NLRP4: variants seen among roughly 807,000 people sequenced by gnomAD.
NLRP4 encodes NLR family pyrin domain containing 4.
Under a neutral mutation model 84.7 loss-of-function variants are expected in NLRP4, and 44 were observed. The ratio of observed to expected loss-of-function variants is 0.52; its 90% CI spans 0.41 to 0.67. The LOEUF is 0.67. Among genes scored for constraint, NLRP4 ranks in the 30% least tolerant of loss-of-function variants. NLRP4 has a pLI of 0.00. For missense variants in NLRP4, 1,260 were observed against 1,219.4 expected, an observed-to-expected ratio of 1.03 and a Z score of -0.50; for synonymous variants, 544 against 476.4, an observed-to-expected ratio of 1.14 and a Z score of -1.85.
At chr19:55,840,701 C>A (rs549818591) in intron 1 of NLRP4, among the ~76,000 whole-genome samples, 21 of 152,136 alleles carry the variant, frequency 1.4e-4, no homozygotes, top group African/African-American at 5.1e-4. Context: ...CCCGGCTGAT[C>A]ATTCGTATAT....
At chr19:55,838,189 C>G (rs35519423) in intron 1 of NLRP4, among the ~76,000 whole-genome samples, 1 of 151,150 alleles carries the variant, frequency 6.6e-6, no homozygotes, top group African/African-American at 2.4e-5. Flanking sequence ...GTAATCCCAG[C>G]TACTCAGGAG....
intron 5 of NLRP4, 29 bp from the exon 6 acceptor site, chr19:55,867,680 C>G: frequency 1.3e-6 from 2 of 1,599,874 alleles, no homozygotes; most frequent in Non-Finnish European, 1.7e-6. Context: ...TAGAAACCAA[C>G]AGAATGTGAC....
rs1406331917 is a variant in NLRP4 at position 55,858,739 on chromosome 19, T to C, written c.1346T>C (p.Val449Ala). The C allele has an allele frequency of 6.2e-7, 1 of 1,614,174 alleles. No homozygotes were observed. The highest frequency in any genetic ancestry group is 2.2e-5 in the East Asian group (1 of 44,874). Residue 449 changes from valine to alanine, a missense_variant, in exon 3 of 10, where the codon GTG (valine) becomes GCG (alanine). By Grantham distance (64) the Val-to-Ala change is moderately conservative. Around this residue, in one of 3 missense-constraint regions of NLRP4, gnomAD observed 712 missense variants for 669.2 expected, o/e 1.06. Coordinates refer to ENST00000301295, the MANE Select transcript of NLRP4 (RefSeq NM_134444.5). The surrounding 1 kb of genome is among the most constrained non-coding windows in gnomAD (Gnocchi z 4.2). ...LKYGERESSY[V>A]FLHVCIQEFC... ...TACGGGGAGCGTGAGAGCTCCTACG[T>C]GTTCCTCCACGTGTGTATCCAGGAG...
chr19:55,858,564 C>T lies in NLRP4; in HGVS notation c.1171C>T (p.Gln391Ter), dbSNP rs1770811939. 6.2e-7 allele frequency: 1 copy of T among 1,614,066 alleles called. No homozygotes were observed. Among genetic ancestry groups the T allele is most frequent in the Non-Finnish European group, 8.5e-7 (1 of 1,180,034 alleles). The change falls in exon 3 of 10, where the codon CAA becomes TAA. Residue 391 changes from glutamine (Q) to a stop codon, truncating the protein, a stop_gained. Transcript: ENST00000301295. LOFTEE classifies it high-confidence loss of function. The surrounding 1 kb of genome is among the most constrained non-coding windows in gnomAD (Gnocchi z 4.2). The stretch of plus-strand genomic sequence containing the variant: ...TGAGGGTGCCGAGGGCCCGACTCCG[C>T]AAACCCAGCACCAGCTGAAGGCCCT... ...TPEGAEGPTP[Q>*]TQHQLKALCS...
intron 1 of NLRP4, among the ~76,000 whole-genome samples, chr19:55,850,807 T>TCCGAGGCTGCGGTGTAATG (rs1568659373): frequency 3.1e-4 from 10 of 32,644 alleles, no homozygotes; most frequent in African/African-American, 1.2e-3. Context: ...GCGGTGTAAT[T>TCCGAGGCTGCGGTGTAATG]TCCGAGGCTG....
At chr19:55,879,457 C>T (rs1373577208) in intron 9 of NLRP4, among the ~76,000 whole-genome samples, 4 of 152,024 alleles carry the variant, frequency 2.6e-5, no homozygotes, top group African/African-American at 4.8e-5. Flanking sequence ...CCAGGTGTGC[C>T]GTTTGCATAG....
intron 2 of NLRP4, among the ~76,000 whole-genome samples, chr19:55,855,201 C>A (rs1349616644): frequency 6.6e-6 from 1 of 152,120 alleles, no homozygotes; most frequent in Non-Finnish European, 1.5e-5. Context: ...CAGAGTGAGA[C>A]CCTGTCTCAA....
rs368819614 is a variant in NLRP4, at chr19:55,877,178, C to G, written c.2696+12C>G. 2.5e-6 allele frequency: 4 copies of G among 1,611,182 alleles called. No individual in the cohort carries two copies. The highest frequency in any genetic ancestry group is 2.5e-6 in the Non-Finnish European group (3 of 1,177,810). On this transcript the variant is annotated intron_variant, in intron 8 of 9. Coordinates refer to ENST00000301295, the MANE Select transcript of NLRP4 (RefSeq NM_134444.5). ...TTAGAGATTCTTGGGTGGGTATCGC[C>G]AAGCTCCTGGTTATGTTTTCATGAG...
At chr19:55,850,909 C>A (rs1411110606) in intron 1 of NLRP4, among the ~76,000 whole-genome samples, 2 of 73,398 alleles carry the variant, frequency 2.7e-5, no homozygotes, top group Non-Finnish European at 4.3e-5. Context: ...GGTGTAATGT[C>A]CGAGGCTGCG....
In NLRP4 at chr19:55,852,364, AG is replaced by A; in HGVS notation, c.280+7del. ...AAGGTCATGAGGGAGAGAACAGGTGAGGGAGTCTGGGAAGGGGGAAGCCTTC... is the reference window on the plus strand; with the variant it reads ...AAGGTCATGAGGGAGAGAACAGGTGAGGAGTCTGGGAAGGGGGAAGCCTTC... On this transcript the variant is annotated splice_donor_5th_base_variant and intron_variant, in intron 2 of 9. Coordinates refer to ENST00000301295, the MANE Select transcript of NLRP4 (RefSeq NM_134444.5). 1 of 1,577,404 alleles carries A rather than the reference AG, an allele frequency of 6.3e-7. No individual in the cohort carries two copies. Among genetic ancestry groups the A allele is most frequent in the Non-Finnish European group, 8.6e-7 (1 of 1,166,568 alleles).
chr19:55,850,310 C>T (rs1303761996), intron 1 of NLRP4, among the ~76,000 whole-genome samples: 37 of 85,938 alleles, frequency 4.3e-4, no homozygotes, highest in Non-Finnish European at 1.8e-4. Context: ...GTGTAATGTC[C>T]GTGGCTGCGG....
intron 7 of NLRP4, among the ~76,000 whole-genome samples, chr19:55,871,742 C>T (rs1985191570): frequency 1.3e-5 from 2 of 151,944 alleles, no homozygotes; most frequent in African/African-American, 2.4e-5. Flanking sequence ...CCCAGTAGTG[C>T]GTTAGGCTAT....
At position 55,861,444 on chromosome 19, in the gene NLRP4, C is replaced by G. The variant is rs1214981447; in HGVS notation, c.1915C>G (p.His639Asp). Reference sequence around the variant, plus strand: ...CTGCTCTGTGCTCACCACCAGCGGGCACCTCAGAGAGCTCCAGGTGCAGGA... The same window carrying G: ...CTGCTCTGTGCTCACCACCAGCGGGGACCTCAGAGAGCTCCAGGTGCAGGA... Reference protein sequence around the residue: ...HICSVLTTSGHLRELQVQDST... With the variant: ...HICSVLTTSGDLRELQVQDST... Residue 639 changes from histidine (H) to aspartate (D), a missense_variant, in exon 4 of 10, where the codon CAC becomes GAC. Transcript: ENST00000301295. The G allele has an allele frequency of 6.2e-7, 1 of 1,614,010 alleles. No homozygotes were observed. The highest frequency in any genetic ancestry group is 1.3e-5 in the African/African-American group (1 of 74,944).
intron 2 of NLRP4, among the ~76,000 whole-genome samples, chr19:55,856,726 G>C (rs940396927): frequency 6.6e-6 from 1 of 152,012 alleles, no homozygotes; most frequent in African/African-American, 2.4e-5. Flanking sequence ...ATGTTGGCCA[G>C]GATGGTCTTG....
At chr19:55,879,673 C>T (rs762568347) in intron 9 of NLRP4, among the ~76,000 whole-genome samples, 20 of 152,100 alleles carry the variant, frequency 1.3e-4, no homozygotes, top group Middle Eastern at 3.2e-3. Flanking sequence ...GCAATCTTCG[C>T]GCTCCCTTAT....
intron 2 of NLRP4, among the ~76,000 whole-genome samples, chr19:55,854,125 A>G (rs1984316588): frequency 6.6e-6 from 1 of 151,838 alleles, no homozygotes; most frequent in South Asian, 2.1e-4. Flanking sequence ...GCCCGCCACC[A>G]CACCCGGCTA....
intron 2 of NLRP4, among the ~76,000 whole-genome samples, chr19:55,852,850 C>T (rs1340905860): frequency 6.6e-6 from 1 of 152,144 alleles, no homozygotes; most frequent in African/African-American, 2.4e-5. Flanking sequence ...ATGTCAGTGG[C>T]TATTATGTCC....
intron 1 of NLRP4, among the ~76,000 whole-genome samples, chr19:55,850,268 T>C (rs1264189005): frequency 1.7e-5 from 2 of 116,532 alleles, no homozygotes; most frequent in Non-Finnish European, 3.3e-5. Context: ...CGGTGTAATT[T>C]CCGAGGCTGC....
intron 9 of NLRP4, among the ~76,000 whole-genome samples, chr19:55,881,136 C>CATGTGTGTGTGTGTGT (rs1985568589): frequency 7.2e-6 from 1 of 139,496 alleles, no homozygotes; most frequent in Non-Finnish European, 1.5e-5. Flanking sequence ...GTGAGAGCCA[C>CATGTGTGTGTGTGTGT]GTGTGTGTGT....
Sources: allele counts gnomAD v4.1 joint callset (sites outside exome capture counted in the v4.1 genomes callset), GRCh38; gene constraint gnomAD v4.1.1; regional missense constraint gnomAD v4.1.1; non-coding constraint Gnocchi (gnomAD v3.1); transcripts MANE v1.5; gene names NCBI Gene and HGNC (gene_info 2026-07-23, HGNC 2026-07-21).